The following DLG2 variants were observed in gnomAD, a reference collection of about 807,000 sequenced individuals.
The protein encoded by DLG2 is disks large homolog 2.
DLG2 carries 45 observed loss-of-function variants against 132.5 expected under a neutral mutation model. That is an observed-to-expected ratio of 0.34 (90% CI 0.27 to 0.44). The LOEUF (loss-of-function observed/expected upper bound fraction) is 0.44. DLG2 is among the 20% of genes least tolerant of loss of function. DLG2 has a pLI of 1.00. For missense variants in DLG2, 1,045 were observed against 1,196.9 expected, an observed-to-expected ratio of 0.87 and a Z score of 1.87; for synonymous variants, 424 against 419.6, an observed-to-expected ratio of 1.01 and a Z score of -0.13.
chr11:84,884,607 T>C (rs1566263371), intron 6 of DLG2, among the ~76,000 whole-genome samples: 1 of 152,112 alleles, frequency 6.6e-6, no homozygotes, highest in Non-Finnish European at 1.5e-5. Context: ...GATTAATTTT[T>C]AGTGAGAGTT....
intron 4 of DLG2, among the ~76,000 whole-genome samples, chr11:85,190,423 T>G (rs565330039): frequency 6.7e-6 from 1 of 149,098 alleles, no homozygotes; most frequent in Admixed American, 6.7e-5. Context: ...AGATCTAAAA[T>G]CAACAACCTG....
At chr11:84,241,021 A>G (rs926103500) in intron 8 of DLG2, among the ~76,000 whole-genome samples, 2 of 152,206 alleles carry the variant, frequency 1.3e-5, no homozygotes, top group African/African-American at 4.8e-5. Flanking sequence ...GAAACTCAGG[A>G]CATGTGAGTT....
At chr11:85,616,947 GA>G (rs891233723) in intron 2 of DLG2, among the ~76,000 whole-genome samples, 3 of 152,190 alleles carry the variant, frequency 2.0e-5, no homozygotes, top group African/African-American at 7.2e-5. Context: ...TCATATGTCA[GA>G]AGTAAGCTGT....
At chr11:84,306,040 T>C (rs1487203592) in intron 7 of DLG2, among the ~76,000 whole-genome samples, 3 of 152,180 alleles carry the variant, frequency 2.0e-5, no homozygotes, top group Admixed American at 6.5e-5. Flanking sequence ...TTCTAGATCT[T>C]GTGACCAACA....
intron 8 of DLG2, among the ~76,000 whole-genome samples, chr11:84,196,184 A>T (rs2096512974): frequency 6.6e-6 from 1 of 152,234 alleles, no homozygotes; most frequent in Admixed American, 6.5e-5. Context: ...TTAACCCAGC[A>T]TTAAATAAGT....
intron 15 of DLG2, among the ~76,000 whole-genome samples, chr11:83,905,436 C>T (rs915322384): frequency 2.6e-5 from 4 of 152,128 alleles, no homozygotes; most frequent in Non-Finnish European, 4.4e-5. Context: ...TTTTCCTTTG[C>T]AGCACTTATC....
chr11:83,781,274 A>G (rs550790968), intron 18 of DLG2, among the ~76,000 whole-genome samples: 1 of 152,200 alleles, frequency 6.6e-6, no homozygotes, highest in East Asian at 1.9e-4. Context: ...TATACTACTT[A>G]TCACCATGTG....
At chr11:83,732,282 T>C (rs938168968) in intron 18 of DLG2, among the ~76,000 whole-genome samples, 1 of 152,112 alleles carries the variant, frequency 6.6e-6, no homozygotes, top group Admixed American at 6.6e-5. Flanking sequence ...ATCTCAAGGG[T>C]GGTAGGAAGC....
At chr11:83,582,622 T>G (rs948000873) in intron 19 of DLG2, among the ~76,000 whole-genome samples, 1 of 152,208 alleles carries the variant, frequency 6.6e-6, no homozygotes, top group African/African-American at 2.4e-5. Context: ...AGCAATATTA[T>G]TAATGGATTG....
chr11:84,693,049 T>C (rs1478517938), intron 6 of DLG2, among the ~76,000 whole-genome samples: 1 of 151,710 alleles, frequency 6.6e-6, no homozygotes, highest in Non-Finnish European at 1.5e-5. Flanking sequence ...ACTATATCAA[T>C]ACCTCTGTTT....
chr11:84,639,247 T>C (rs1485700512), intron 6 of DLG2, among the ~76,000 whole-genome samples: 1 of 152,116 alleles, frequency 6.6e-6, no homozygotes, highest in East Asian at 1.9e-4. Context: ...TTTGAAATTG[T>C]TCAACTAGCC....
chr11:83,456,185 C>T lies in DLG2; in HGVS notation c.*3633G>A, dbSNP rs143880407. On this transcript the variant is annotated 3_prime_UTR_variant, in exon 28 of 28. Transcript: ENST00000376104. Reference sequence around the variant, plus strand: ...GAAAGAAAATGTCCTCAGAGCCATGCGGTAGTGCTGGGAGTGGGCTCGCTT... The same window carrying T: ...GAAAGAAAATGTCCTCAGAGCCATGTGGTAGTGCTGGGAGTGGGCTCGCTT... 145 of 152,820 alleles carry T rather than the reference C, an allele frequency of 9.5e-4. 2 individuals carry two copies. The highest frequency in any genetic ancestry group is 8.9e-3 in the South Asian group (43 of 4,828). 9.5% of individuals were successfully genotyped at this position (152,820 alleles called of 1,614,324 possible).
intron 15 of DLG2, among the ~76,000 whole-genome samples, chr11:83,903,204 T>C (rs975429632): frequency 6.6e-6 from 1 of 152,074 alleles, no homozygotes; most frequent in African/African-American, 2.4e-5. Flanking sequence ...AATTTGATGA[T>C]CTAGTATTCT....
At chr11:83,524,221 T>C (rs1299152871) in intron 21 of DLG2, among the ~76,000 whole-genome samples, 1 of 152,212 alleles carries the variant, frequency 6.6e-6, no homozygotes, top group Non-Finnish European at 1.5e-5. Flanking sequence ...AGTTGGTTAT[T>C]CTGTCTGATT....
chr11:85,242,851 G>A (rs186422501), intron 4 of DLG2, among the ~76,000 whole-genome samples: 2 of 151,646 alleles, frequency 1.3e-5, no homozygotes, highest in East Asian at 3.9e-4. Flanking sequence ...CCTTTTAAGT[G>A]TTTATGCTCC....
chr11:84,897,088 T>G (rs2090298622), intron 6 of DLG2, among the ~76,000 whole-genome samples: 1 of 151,884 alleles, frequency 6.6e-6, no homozygotes, highest in African/African-American at 2.4e-5. Flanking sequence ...TCACACTCCT[T>G]CACCCCACAA....
intron 4 of DLG2, among the ~76,000 whole-genome samples, chr11:85,232,523 C>T (rs1237270727): frequency 2.0e-5 from 3 of 151,826 alleles, no homozygotes; most frequent in Non-Finnish European, 4.4e-5. Flanking sequence ...GTTACCTCTT[C>T]GAAGCAAATG....
At chr11:84,926,525 G>T (rs908969825) in intron 6 of DLG2, among the ~76,000 whole-genome samples, 13 of 151,944 alleles carry the variant, frequency 8.6e-5, no homozygotes, top group Non-Finnish European at 1.8e-4. Context: ...GTTTGCAAAA[G>T]AACTGATATT....
intron 21 of DLG2, among the ~76,000 whole-genome samples, chr11:83,521,076 C>T (rs971252409): frequency 1.3e-5 from 2 of 152,202 alleles, no homozygotes; most frequent in African/African-American, 4.8e-5. Context: ...GGCCCTAGAA[C>T]AGTGCTGAAC....
Sources: allele counts gnomAD v4.1 joint callset (sites outside exome capture counted in the v4.1 genomes callset), GRCh38; gene constraint gnomAD v4.1.1; transcripts MANE v1.5; gene names NCBI Gene and HGNC (gene_info 2026-07-23, HGNC 2026-07-21).